The following SCN4B variants were observed in gnomAD, a reference collection of about 807,000 sequenced individuals.
SCN4B encodes the protein sodium channel regulatory subunit beta-4.
In SCN4B, 20 loss-of-function variants were observed where a neutral mutation model predicts 19.6. The observed-to-expected ratio is 1.02, with a 90% CI of 0.72 to 1.48. The LOEUF (loss-of-function observed/expected upper bound fraction) is 1.48, where lower values mean the gene tolerates loss of function less well. SCN4B is among the 40% of genes most tolerant of loss of function. The pLI, the probability that SCN4B is intolerant of heterozygous loss-of-function variation, is 0.00. For missense variants in SCN4B, 271 were observed against 287.5 expected, an observed-to-expected ratio of 0.94 and a Z score of 0.42; for synonymous variants, 127 against 122.8, an observed-to-expected ratio of 1.03 and a Z score of -0.22.
At chr11:118,147,877 G>T (rs890706695) in intron 1 of SCN4B, among the ~76,000 whole-genome samples, 5 of 152,168 alleles carry the variant, frequency 3.3e-5, no homozygotes, top group Admixed American at 6.5e-5. Context: ...TCAAATCCGT[G>T]CCCAAATCTC....
At chr11:118,139,542 G>GCACAGTGCCCTGCA (rs1948068343) in intron 4 of SCN4B, among the ~76,000 whole-genome samples, 1 of 151,754 alleles carries the variant, frequency 6.6e-6, no homozygotes. Context: ...ATAGCATCTG[G>GCACAGTGCCCTGCA]CACAGTGCCT....
chr11:118,141,545 G>C, intron 3 of SCN4B: 3 of 612,386 alleles, frequency 4.9e-6, no homozygotes, highest in Non-Finnish European at 8.7e-6. Flanking sequence ...GCACACATAA[G>C]GGGCCCTCTC....
rs761726411 is a variant in SCN4B, at chr11:118,134,501, T to C, written c.*2526A>G. 3 of 454,112 alleles carry C rather than the reference T, an allele frequency of 6.6e-6. No homozygotes were observed. The highest frequency in any genetic ancestry group is 1.3e-5 in the Non-Finnish European group (3 of 226,798). 28.1% of individuals were successfully genotyped at this position (454,112 alleles called of 1,614,324 possible). A position where few individuals can be genotyped will look rare whatever the true frequency, so the allele number is the denominator to read the frequency against. ...CAGGATGATTCTTTGTTGTGGGGACTAAGTTTAGCATTCTTAGTAGTGCCC... is the reference window on the plus strand; with the variant it reads ...CAGGATGATTCTTTGTTGTGGGGACCAAGTTTAGCATTCTTAGTAGTGCCC... On this transcript the variant is annotated 3_prime_UTR_variant, in exon 5 of 5. Transcript: ENST00000324727.
chr11:118,150,829 A>T (rs866560939), intron 1 of SCN4B, among the ~76,000 whole-genome samples: 7 of 152,174 alleles, frequency 4.6e-5, no homozygotes, highest in African/African-American at 1.7e-4. Context: ...GTGAGGGCTC[A>T]GTCAGTATTA....
At chr11:118,141,438 C>T (rs1031063895) in intron 3 of SCN4B, 102 bp from the exon 4 acceptor site, 6 of 1,454,702 alleles carry the variant, frequency 4.1e-6, no homozygotes, top group Admixed American at 1.8e-5. Flanking sequence ...GCCTCCACCC[C>T]CTGGCATCCG....
chr11:118,133,789 G>A lies in SCN4B; in HGVS notation c.*3238C>T, dbSNP rs1412460385. On this transcript the variant is annotated 3_prime_UTR_variant, in exon 5 of 5. Coordinates refer to ENST00000324727, the MANE Select transcript of SCN4B (RefSeq NM_174934.4). ...TACTGCCAGCCCTCTGATGGCAGCT[G>A]TCTGTGACACTGAGATGAAGTCATG... 13 of 454,448 alleles carry A rather than the reference G, an allele frequency of 2.9e-5. No individual in the cohort carries two copies. Among genetic ancestry groups the A allele is most frequent in the Admixed American group, 1.2e-4 (5 of 42,562 alleles). The allele number at this position is 454,448 out of a possible 1,614,324, so 28.2% of individuals were successfully genotyped here.
chr11:118,144,987 G>T, intron 2 of SCN4B, 70 bp downstream of exon 2: 3 of 1,489,038 alleles, frequency 2.0e-6, no homozygotes, highest in Non-Finnish European at 2.8e-6. Flanking sequence ...GTCCAGAAGG[G>T]ACCAGAGCGT....
rs946649298 is a variant in SCN4B at position 118,136,303 on chromosome 11, G to A, written c.*724C>T. The A allele has an allele frequency of 2.2e-6, 1 of 453,678 alleles. No homozygotes were observed. Among genetic ancestry groups the A allele is most frequent in the Non-Finnish European group, 4.4e-6 (1 of 226,688 alleles). 28.1% of individuals were successfully genotyped at this position (453,678 alleles called of 1,614,324 possible). ...TCGGGTACTCCAGGAAGGCTCGAGG[G>A]GCCCCTTCCTGAGCCCCTCAGTAAC... On this transcript the variant is annotated 3_prime_UTR_variant, in exon 5 of 5. Coordinates refer to ENST00000324727, the MANE Select transcript of SCN4B (RefSeq NM_174934.4).
At chr11:118,138,812 G>A (rs1027097421) in intron 4 of SCN4B, among the ~76,000 whole-genome samples, 1 of 152,134 alleles carries the variant, frequency 6.6e-6, no homozygotes, top group African/African-American at 2.4e-5. Context: ...AGAAAGATGA[G>A]CAGGAAAAGA....
intron 1 of SCN4B, among the ~76,000 whole-genome samples, chr11:118,151,307 T>C (rs1193016271): frequency 6.6e-6 from 1 of 152,116 alleles, no homozygotes; most frequent in Non-Finnish European, 1.5e-5. Context: ...TCAGTGATCC[T>C]TTACCCCTGC....
intron 4 of SCN4B, 107 bp downstream of exon 4, chr11:118,141,100 G>A: frequency 7.9e-6 from 10 of 1,264,540 alleles, no homozygotes; most frequent in Non-Finnish European, 1.1e-5. Context: ...CGGTAGGAAT[G>A]GGAATGGGGG....
At position 118,148,086 on chromosome 11, in the gene SCN4B, A is replaced by G. The variant is rs1162984041; in HGVS notation, c.62-2857T>C. 6.6e-6 allele frequency among the ~76,000 whole-genome samples: 1 copy of G among 152,232 alleles called. No homozygotes were observed. The highest frequency in any genetic ancestry group is 2.4e-5 in the African/African-American group (1 of 41,462). ...TGGTTTGTGTGCACCTATGTGGATG[A>G]CTTAAGTCCAATACACTCAGGACTC... is the stretch of plus-strand genomic sequence containing the variant. On this transcript the variant is annotated intron_variant, in intron 1 of 4. Transcript: ENST00000324727. The surrounding 1 kb of genome is among the most constrained non-coding windows in gnomAD (Gnocchi z 4.0).
At chr11:118,144,624 G>A (rs1333479286) in intron 2 of SCN4B, among the ~76,000 whole-genome samples, 1 of 151,966 alleles carries the variant, frequency 6.6e-6, no homozygotes, top group Non-Finnish European at 1.5e-5. Context: ...CACCGCAGCC[G>A]CGCCAATGCT....
rs1465171942 is a variant in SCN4B at position 118,134,638 on chromosome 11, C to A, written c.*2389G>T. On this transcript the variant is annotated 3_prime_UTR_variant, in exon 5 of 5. Coordinates refer to ENST00000324727, the MANE Select transcript of SCN4B (RefSeq NM_174934.4). ...GCTTTAAGCATCAGAGTCAAGGTTT[C>A]TAATATTGCAAAGACTAAATAATTC... The A allele has an allele frequency of 4.4e-6, 2 of 453,850 alleles. No homozygotes were observed. The highest frequency in any genetic ancestry group is 8.8e-6 in the Non-Finnish European group (2 of 226,766). The allele number at this position is 453,850 out of a possible 1,614,324, so 28.1% of individuals were successfully genotyped here.
At chr11:118,144,160 C>A (rs1045413969) in intron 2 of SCN4B, 99 bp from the exon 3 acceptor site, 6 of 805,146 alleles carry the variant, frequency 7.5e-6, no homozygotes, top group South Asian at 2.7e-5. Context: ...GGATGCCTCC[C>A]CTGTCCAGGA....
Position 118,136,717 on chromosome 11 carries a change from G to A in SCN4B, c.*310C>T. 3.8e-6 allele frequency: 2 copies of A among 521,414 alleles called. No homozygotes were observed. The highest frequency in any genetic ancestry group is 7.4e-6 in the Non-Finnish European group (2 of 270,906). 32.3% of individuals were successfully genotyped at this position (521,414 alleles called of 1,614,324 possible). A position where few individuals can be genotyped will look rare whatever the true frequency, so the allele number is the denominator to read the frequency against. ...ATCAAGGCCCTGCTTGTGCAGGGTA[G>A]GGAGACTGAAGGAGACCCCATCTGC... On this transcript the variant is annotated 3_prime_UTR_variant, in exon 5 of 5. Coordinates refer to ENST00000324727, the MANE Select transcript of SCN4B (RefSeq NM_174934.4).
rs892601196 is a variant in SCN4B at position 118,148,364 on chromosome 11, G to T, written c.62-3135C>A. Among the ~76,000 whole-genome samples the T allele has an allele frequency of 6.6e-6, 1 of 152,188 alleles. No homozygotes were observed. The highest frequency in any genetic ancestry group is 6.5e-5 in the Admixed American group (1 of 15,280). On this transcript the variant is annotated intron_variant, in intron 1 of 4. Transcript: ENST00000324727. The surrounding 1 kb of genome is among the most constrained non-coding windows in gnomAD (Gnocchi z 4.0). ...TCAGTGTCTCCTATGAGGCTGCTCT[G>T]GGGGAGAGGGGGGAACCAGGGGCAG...
intron 3 of SCN4B, 87 bp from the exon 4 acceptor site, chr11:118,141,423 A>T: frequency 1.3e-6 from 2 of 1,544,362 alleles, no homozygotes; most frequent in Non-Finnish European, 8.9e-7. Flanking sequence ...TGCAAGGGCC[A>T]TGTAGCCTCC....
At chr11:118,144,457 C>T (rs1306523897) in intron 2 of SCN4B, among the ~76,000 whole-genome samples, 1 of 152,170 alleles carries the variant, frequency 6.6e-6, no homozygotes, top group Admixed American at 6.5e-5. Context: ...CTGTCAAGAC[C>T]TGGATCAATC....
Sources: gnomAD v4.1 joint callset for allele counts (sites outside exome capture counted in the v4.1 genomes callset) on GRCh38, gnomAD v4.1.1 for gene constraint, Gnocchi (gnomAD v3.1) non-coding constraint, MANE v1.5 for transcripts, NCBI Gene and HGNC (gene_info 2026-07-23, HGNC 2026-07-21) for gene names.